The following EFR3A variants were observed in gnomAD, a reference collection of about 807,000 sequenced individuals.
The protein encoded by EFR3A is protein EFR3 homolog A.
In EFR3A, 76 loss-of-function variants were observed where a neutral mutation model predicts 104.4. That is an observed-to-expected ratio of 0.73 (90% confidence interval 0.60 to 0.88). The LOEUF (loss-of-function observed/expected upper bound fraction) is 0.88. Ranked by LOEUF, EFR3A falls within the 40% of genes least tolerant of loss-of-function variation. The pLI is 0.00. For synonymous variants in EFR3A, 330 were observed against 330.0 expected, an observed-to-expected ratio of 1.00 and a Z score of 0.00; for missense variants, 985 against 1,012.5, an observed-to-expected ratio of 0.97 and a Z score of 0.37.
chr8:131,962,866 T>A (rs1264554919), intron 8 of EFR3A, among the ~76,000 whole-genome samples: 2 of 152,180 alleles, frequency 1.3e-5, no homozygotes, highest in Non-Finnish European at 2.9e-5. Context: ...TATAACAAAC[T>A]GTCTCTCAGA....
intron 17 of EFR3A, among the ~76,000 whole-genome samples, chr8:131,986,813 A>G (rs981682337): frequency 6.6e-6 from 1 of 151,290 alleles, no homozygotes; most frequent in Admixed American, 6.6e-5. Context: ...AAAAAAGAAT[A>G]AGAAAACTTA....
Position 131,966,907 on chromosome 8 carries a change from T to C in EFR3A, c.856-1388T>C, listed in dbSNP as rs374413057. On this transcript the variant is annotated intron_variant, in intron 8 of 22. Transcript: ENST00000254624. The stretch of plus-strand genomic sequence containing the variant: ...TCCTTTCACTCCATATTCTTTTGTT[T>C]AATACATGATATCATTCTTGAGTTG... Among the ~76,000 whole-genome samples, 63 of 152,314 alleles carry C rather than the reference T, an allele frequency of 4.1e-4. 1 individual carries two copies. In the East Asian group the frequency reaches 8.9e-3, roughly 21 times the overall value.
chr8:131,976,157 G>T lies in EFR3A; in HGVS notation c.1274+16G>T, dbSNP rs774584545. ...GTCAACTAGGGTATGTTCTCAGACT[G>T]TAAATTTGAACTTAATCTTGAGTTA... On this transcript the variant is annotated intron_variant, in intron 11 of 22. Transcript: ENST00000254624. 3 of 1,426,772 alleles carry T rather than the reference G, an allele frequency of 2.1e-6. No homozygotes were observed. The African/African-American group carries it at 4.2e-5, about 20-fold the overall frequency. The allele number at this position is 1,426,772 out of a possible 1,614,324, so 88.4% of individuals were successfully genotyped here.
At chr8:131,948,222 T>C (rs1044476350) in intron 4 of EFR3A, among the ~76,000 whole-genome samples, 3 of 151,992 alleles carry the variant, frequency 2.0e-5, no homozygotes, top group Non-Finnish European at 4.4e-5. Flanking sequence ...GATTCCAGAG[T>C]CTGACTACCC....
intron 8 of EFR3A, among the ~76,000 whole-genome samples, chr8:131,961,288 A>G (rs2130654019): frequency 6.6e-6 from 1 of 152,338 alleles, no homozygotes; most frequent in Middle Eastern, 3.4e-3. Flanking sequence ...GTTCGAACCC[A>G]TGGCAAAGAA....
At chr8:131,984,055 A>G (rs961582739) in intron 14 of EFR3A, 84 bp from the exon 15 acceptor site, 5 of 1,212,842 alleles carry the variant, frequency 4.1e-6, no homozygotes, top group Non-Finnish European at 4.5e-6. Flanking sequence ...TAACATAGCT[A>G]CACTGTAAAA....
intron 5 of EFR3A, among the ~76,000 whole-genome samples, chr8:131,953,563 C>T (rs1417532836): frequency 1.1e-4 from 16 of 151,968 alleles, no homozygotes; most frequent in Admixed American, 1.0e-3. Context: ...ATAGATATTT[C>T]TGTATTTTAT....
chr8:131,983,204 A>C (rs1553271), intron 14 of EFR3A, among the ~76,000 whole-genome samples: 43,745 of 152,090 alleles, frequency 0.29, 6,905 homozygotes, highest in East Asian at 0.49. Context: ...GTCTCTCCAC[A>C]TGGGAAAAAA....
At chr8:131,995,492 A>T (rs761168862) in intron 18 of EFR3A, among the ~76,000 whole-genome samples, 2 of 152,178 alleles carry the variant, frequency 1.3e-5, no homozygotes, top group Non-Finnish European at 2.9e-5. Flanking sequence ...AGATTTGTTG[A>T]GTATTGAATG....
At chr8:131,956,978 A>T (rs1179829725) in intron 7 of EFR3A, among the ~76,000 whole-genome samples, 34 of 152,192 alleles carry the variant, frequency 2.2e-4, no homozygotes, top group Admixed American at 1.4e-3. Context: ...TAAGGCCTTA[A>T]AAATCTAGAG....
intron 17 of EFR3A, 68 bp from the exon 18 acceptor site, chr8:131,987,507 T>G: frequency 6.7e-7 from 1 of 1,482,172 alleles, no homozygotes; most frequent in African/African-American, 1.4e-5. Context: ...CTGGAATGTT[T>G]TGCATAGTAA....
At chr8:131,916,337 T>C (rs1816745015) in intron 1 of EFR3A, among the ~76,000 whole-genome samples, 1 of 152,082 alleles carries the variant, frequency 6.6e-6, no homozygotes, top group Non-Finnish European at 1.5e-5. Flanking sequence ...ATACAATTGA[T>C]AGGATTAATT....
At chr8:131,945,525 A>C (rs1455125569) in intron 3 of EFR3A, among the ~76,000 whole-genome samples, 1 of 152,036 alleles carries the variant, frequency 6.6e-6, no homozygotes, top group Non-Finnish European at 1.5e-5. Flanking sequence ...AGCTTTCTGT[A>C]CCTTTGCGTT....
At chr8:131,917,961 A>G (rs1356389690) in intron 1 of EFR3A, among the ~76,000 whole-genome samples, 1 of 152,194 alleles carries the variant, frequency 6.6e-6, no homozygotes, top group Non-Finnish European at 1.5e-5. Context: ...ATACCTTGTT[A>G]ATGTTGTGAC....
At chr8:131,946,416 A>T in intron 3 of EFR3A, 67 bp from the exon 4 acceptor site, 1 of 1,366,040 alleles carries the variant, frequency 7.3e-7, no homozygotes, top group Non-Finnish European at 9.6e-7. Context: ...AGTTCTTCCA[A>T]TGTAAAGCAC....
chr8:131,977,521 A>G (rs1479369179), intron 12 of EFR3A, among the ~76,000 whole-genome samples: 2 of 152,210 alleles, frequency 1.3e-5, no homozygotes, highest in African/African-American at 4.8e-5. Context: ...TAAAATGAAT[A>G]TTTGCCATTT....
chr8:131,986,281 T>G lies in EFR3A; in HGVS notation c.1937+20T>G, dbSNP rs763770795. 3.0e-6 allele frequency: 4 copies of G among 1,351,286 alleles called. No individual in the cohort carries two copies. Among genetic ancestry groups the G allele is most frequent in the Non-Finnish European group, 3.1e-6 (3 of 953,384 alleles). The allele number at this position is 1,351,286 out of a possible 1,614,324, so 83.7% of individuals were successfully genotyped here. On this transcript the variant is annotated intron_variant, in intron 17 of 22. Transcript: ENST00000254624. The stretch of plus-strand genomic sequence containing the variant: ...GTGCATGTATGTTAATTCTTTACAT[T>G]TTAAGGATGGGGTACTGACTTGATA...
intron 10 of EFR3A, among the ~76,000 whole-genome samples, chr8:131,973,918 C>T (rs1438349857): frequency 6.6e-6 from 1 of 152,014 alleles, no homozygotes; most frequent in Non-Finnish European, 1.5e-5. Context: ...AAAATCAAAG[C>T]AATTCTAAAG....
Position 131,997,804 on chromosome 8 carries a change from C to A in EFR3A, c.2157+1307C>A, listed in dbSNP as rs1012996504. Among the ~76,000 whole-genome samples, 16 of 152,088 alleles carry A rather than the reference C, an allele frequency of 1.1e-4. 1 individual carries two copies. The highest frequency in any genetic ancestry group is 3.9e-4 in the African/African-American group (16 of 41,552). On this transcript the variant is annotated intron_variant, in intron 19 of 22. Coordinates refer to ENST00000254624, the MANE Select transcript of EFR3A (RefSeq NM_015137.6). ...ACTATGTGTTATTGACTGGTATTTT[C>A]ACCTTTCTCCTTTTGTTAACTATTC...
Sources: gnomAD v4.1 joint callset for allele counts (sites outside exome capture counted in the v4.1 genomes callset) on GRCh38, gnomAD v4.1.1 for gene constraint, MANE v1.5 for transcripts, NCBI Gene and HGNC (gene_info 2026-07-23, HGNC 2026-07-21) for gene names.